Variants in MAGI2 observed in about 807,000 individuals in gnomAD.
MAGI2 encodes the protein membrane-associated guanylate kinase, WW and PDZ domain-containing protein 2.
MAGI2 carries 35 observed loss-of-function variants against 133.3 expected under a neutral mutation model. The observed-to-expected ratio is 0.26, with a 90% CI of 0.20 to 0.35. The LOEUF is 0.35. Among genes scored for constraint, MAGI2 ranks in the 10% least tolerant of loss-of-function variants. The probability of loss-of-function intolerance (pLI) is 1.00; values close to 1 mark genes in which losing one functional copy is unlikely to be tolerated. For missense variants in MAGI2, 1,636 were observed against 1,863.4 expected, an observed-to-expected ratio of 0.88 and a Z score of 2.25; for synonymous variants, 729 against 710.6, an observed-to-expected ratio of 1.03 and a Z score of -0.41.
intron 1 of MAGI2, among the ~76,000 whole-genome samples, chr7:79,092,158 A>G (rs1817119314): frequency 6.6e-6 from 1 of 152,186 alleles, no homozygotes; most frequent in African/African-American, 2.4e-5. Flanking sequence ...GAGGAAAGAA[A>G]AAGTCAGATT....
At chr7:78,987,847 C>T (rs1805406202) in intron 2 of MAGI2, among the ~76,000 whole-genome samples, 1 of 151,920 alleles carries the variant, frequency 6.6e-6, no homozygotes, top group Admixed American at 6.6e-5. Flanking sequence ...CACACACACA[C>T]AGGCACACAC....
chr7:78,444,284 T>C (rs1168570260), intron 6 of MAGI2, among the ~76,000 whole-genome samples: 1 of 151,982 alleles, frequency 6.6e-6, no homozygotes, highest in Non-Finnish European at 1.5e-5. Flanking sequence ...AAATCATAAG[T>C]GAAAACTAAA....
intron 1 of MAGI2, among the ~76,000 whole-genome samples, chr7:79,059,068 G>T (rs1391695295): frequency 6.6e-6 from 1 of 151,882 alleles, no homozygotes; most frequent in African/African-American, 2.4e-5. Context: ...TGGGTATTAG[G>T]TTGGTGCATT....
chr7:78,858,209 G>C (rs1004523877), intron 2 of MAGI2, among the ~76,000 whole-genome samples: 1 of 152,052 alleles, frequency 6.6e-6, no homozygotes, highest in African/African-American at 2.4e-5. Context: ...CCAGCTCCTG[G>C]ATTCATTGAT....
intron 1 of MAGI2, among the ~76,000 whole-genome samples, chr7:79,071,362 T>C (rs1204040665): frequency 6.6e-6 from 1 of 151,948 alleles, no homozygotes; most frequent in Non-Finnish European, 1.5e-5. Context: ...CAGCCATAGC[T>C]CTCCTGTATG....
intron 1 of MAGI2, among the ~76,000 whole-genome samples, chr7:79,442,696 T>C (rs1309127898): frequency 6.6e-6 from 1 of 152,118 alleles, no homozygotes; most frequent in Non-Finnish European, 1.5e-5. Flanking sequence ...CTCTTGCTCT[T>C]CCAGAAGAGG....
chr7:79,028,832 A>T (rs897918078), intron 1 of MAGI2, among the ~76,000 whole-genome samples: 2 of 152,272 alleles, frequency 1.3e-5, no homozygotes, highest in South Asian at 4.1e-4. Flanking sequence ...TTGGACTGAT[A>T]AGCTATTGTC....
intron 1 of MAGI2, among the ~76,000 whole-genome samples, chr7:79,379,795 C>T (rs1356112229): frequency 1.3e-5 from 2 of 149,968 alleles, no homozygotes; most frequent in African/African-American, 4.9e-5. Context: ...TATAACTATA[C>T]TCTTACAAGT....
intron 18 of MAGI2, among the ~76,000 whole-genome samples, chr7:78,132,575 A>G (rs1009741441): frequency 7.2e-5 from 11 of 152,238 alleles, no homozygotes; most frequent in Non-Finnish European, 8.8e-5. Flanking sequence ...TGCGCCTGCC[A>G]GGGGGCCTCT....
chr7:78,053,571 A>G (rs1197688618), intron 21 of MAGI2, among the ~76,000 whole-genome samples: 1 of 152,238 alleles, frequency 6.6e-6, no homozygotes, highest in Non-Finnish European at 1.5e-5. Flanking sequence ...GTAATCTACT[A>G]ACCAGAAATT....
chr7:78,573,000 A>T (rs1801671653), intron 3 of MAGI2, among the ~76,000 whole-genome samples: 1 of 125,478 alleles, frequency 8.0e-6, no homozygotes, highest in Admixed American at 9.4e-5. Context: ...TCACTAGAGG[A>T]ACAGAACTAA....
chr7:78,920,513 T>C lies in MAGI2; in HGVS notation c.418+86577A>G, dbSNP rs184122286. 2.9e-4 allele frequency among the ~76,000 whole-genome samples: 44 copies of C among 152,316 alleles called. No homozygotes were observed. The South Asian group carries it at 5.8e-3, about 20-fold the overall frequency. On this transcript the variant is annotated intron_variant, in intron 2 of 21. Coordinates refer to ENST00000354212, the MANE Select transcript of MAGI2 (RefSeq NM_012301.4). ...GGTAATTATTTTTTCTTCTCTTATA[T>C]AGAGGAGTTAAAACTGTATTTGTTG...
chr7:78,863,516 G>A (rs540319546), intron 2 of MAGI2, among the ~76,000 whole-genome samples: 4 of 152,286 alleles, frequency 2.6e-5, no homozygotes, highest in Non-Finnish European at 4.4e-5. Flanking sequence ...TCATTACTGC[G>A]AGGACAGCAC....
At chr7:78,355,998 AGTCAG>A (rs1407286550) in intron 7 of MAGI2, among the ~76,000 whole-genome samples, 1 of 152,212 alleles carries the variant, frequency 6.6e-6, no homozygotes, top group Non-Finnish European at 1.5e-5. Context: ...ATGAATGAGG[AGTCAG>A]GAGACTGGGC....
chr7:78,432,942 G>A lies in MAGI2; in HGVS notation c.1045+56819C>T, dbSNP rs537189406. On this transcript the variant is annotated intron_variant, in intron 6 of 21. Transcript: ENST00000354212. ...TAATGGTAAAATCTTACTTTAGTGA[G>A]AAACTTTAATATGTCCCCTAAGAGT... 9.9e-5 allele frequency among the ~76,000 whole-genome samples: 15 copies of A among 152,120 alleles called. No homozygotes were observed. The South Asian group carries it at 1.0e-3, about 11-fold the overall frequency.
Position 78,085,694 on chromosome 7 carries a change from C to T in MAGI2, c.3568-6609G>A, listed in dbSNP as rs140213494. On this transcript the variant is annotated intron_variant, in intron 20 of 21. Transcript: ENST00000354212. Reference sequence around the variant, plus strand: ...CACAGAAGAGAGAAGAATCCTTCATCAAGGTTCTGCCTAAGCACATAACCT... The same window carrying T: ...CACAGAAGAGAGAAGAATCCTTCATTAAGGTTCTGCCTAAGCACATAACCT... Among the ~76,000 whole-genome samples the T allele has an allele frequency of 1.9e-4, 29 of 152,020 alleles. No homozygotes were observed. The East Asian group carries it at 4.5e-3, about 23-fold the overall frequency.
At chr7:79,004,300 T>C (rs1270983513) in intron 2 of MAGI2, among the ~76,000 whole-genome samples, 2 of 152,108 alleles carry the variant, frequency 1.3e-5, no homozygotes, top group Admixed American at 6.5e-5. Context: ...ATCCTGTCAT[T>C]TGCAGCAACA....
chr7:78,274,548 T>C (rs1312709935), intron 9 of MAGI2, among the ~76,000 whole-genome samples: 1 of 151,946 alleles, frequency 6.6e-6, no homozygotes, highest in Non-Finnish European at 1.5e-5. Flanking sequence ...AACCGCCCCT[T>C]CCCCCAAGTG....
rs1474048312 is a variant in MAGI2, at chr7:78,521,621, G to A, written c.563C>T (p.Pro188Leu). The A allele has an allele frequency of 6.2e-7, 1 of 1,613,992 alleles. No homozygotes were observed. Among genetic ancestry groups the A allele is most frequent in the Non-Finnish European group, 8.5e-7 (1 of 1,179,988 alleles). ...YEDNYYGTPK[P>L]PAEPAPLLLN... ...CAATAATGGTGCTGGTTCTGCTGGC[G>A]GCTTTGGGGTACCGTAGTAATTGTC... The change falls in exon 4 of 22, where the codon CCG (proline) becomes CTG (leucine). Residue 188 changes from proline (P) to leucine (L), a missense_variant. Pro to Leu is a moderately conservative substitution (Grantham distance 98, BLOSUM62 -3). This residue lies in a region of MAGI2 where 148 missense variants were observed against 239.0 expected (regional missense o/e 0.62). Coordinates refer to ENST00000354212, the MANE Select transcript of MAGI2 (RefSeq NM_012301.4).
Sources: allele counts gnomAD v4.1 joint callset (sites outside exome capture counted in the v4.1 genomes callset), GRCh38; gene constraint gnomAD v4.1.1; regional missense constraint gnomAD v4.1.1; transcripts MANE v1.5; gene names NCBI Gene and HGNC (gene_info 2026-07-23, HGNC 2026-07-21).